Variants in FTCD observed in about 807,000 individuals in gnomAD.
FTCD encodes formimidoyltransferase cyclodeaminase, also known as formimidoyltransferase-cyclodeaminase.
Under a neutral mutation model 62.9 loss-of-function variants are expected in FTCD, and 76 were observed. The ratio of observed to expected loss-of-function variants is 1.21; its 90% CI spans 1.00 to 1.46. The LOEUF is 1.46. Among genes scored for constraint, FTCD ranks in the 40% most tolerant of loss-of-function variants. The pLI, the probability that FTCD is intolerant of heterozygous loss-of-function variation, is 0.00. For missense variants in FTCD, 845 were observed against 751.3 expected (o/e 1.12, Z -1.46); for synonymous variants, 397 against 336.9 (o/e 1.18, Z -1.95).
chr21:46,152,013 G>C, intron 3 of FTCD, 33 bp from the exon 4 acceptor site: 1 of 1,475,122 alleles, frequency 6.8e-7, no homozygotes, highest in Non-Finnish European at 9.3e-7. Flanking sequence ...GGCCTGGACC[G>C]GCAGGGGGTC....
chr21:46,140,531 C>T (rs2078977042), intron 10 of FTCD, among the ~76,000 whole-genome samples: 1 of 144,302 alleles, frequency 6.9e-6, no homozygotes. Context: ...CTTCGCATTG[C>T]TCAGAGGGAG....
chr21:46,146,204 C>CGCAA, intron 8 of FTCD, 62 bp downstream of exon 8: 1 of 1,238,488 alleles, frequency 8.1e-7, no homozygotes, highest in Non-Finnish European at 1.2e-6. Flanking sequence ...CCCAGCGCCC[C>CGCAA]GCAAGGCCCG....
chr21:46,144,737 T>G (rs1441707523), intron 10 of FTCD, among the ~76,000 whole-genome samples: 4 of 104,136 alleles, frequency 3.8e-5, no homozygotes, highest in Non-Finnish European at 7.4e-5. Context: ...CTCCCCTCCC[T>G]CTCTCTCTCT....
intron 7 of FTCD, 41 bp downstream of exon 7, chr21:46,150,078 T>C (rs2079230134): frequency 1.4e-4 from 108 of 772,482 alleles, no homozygotes; most frequent in Middle Eastern, 7.6e-4. Flanking sequence ...CCACCCTCCC[T>C]GCACGCCCCT....
intron 6 of FTCD, 37 bp downstream of exon 6, chr21:46,150,351 C>G (rs752395355): frequency 1.7e-5 from 28 of 1,610,754 alleles, no homozygotes; most frequent in Middle Eastern, 1.6e-4. Flanking sequence ...CAGATCGGCT[C>G]GCCCCTCACA....
At chr21:46,136,556 C>A, downstream of FTCD, 1 of 1,592,286 alleles carries the variant, frequency 6.3e-7, no homozygotes, top group East Asian at 2.3e-5. Context: ...AGCCCAGGGA[C>A]CTGCACTGAA....
chr21:46,138,472 G>C, intron 12 of FTCD, 36 bp downstream of exon 12: 4 of 1,559,102 alleles, frequency 2.6e-6, no homozygotes, highest in Non-Finnish European at 3.5e-6. Context: ...TTCCTGCTTT[G>C]CGGCAGGAGG....
At chr21:46,147,248 G>A (rs928230821) in intron 7 of FTCD, among the ~76,000 whole-genome samples, 1 of 151,628 alleles carries the variant, frequency 6.6e-6, no homozygotes, top group Admixed American at 6.6e-5. Flanking sequence ...GGAAACAGTT[G>A]AGGTACTTCC....
At chr21:46,148,945 A>C (rs767950949) in intron 7 of FTCD, among the ~76,000 whole-genome samples, 1 of 152,224 alleles carries the variant, frequency 6.6e-6, no homozygotes, top group Non-Finnish European at 1.5e-5. Flanking sequence ...TGATAATTAC[A>C]CTGTGGTTAT....
At chr21:46,137,115 T>C (rs370518536) in intron 13 of FTCD, 42 bp from the exon 14 acceptor site, 94 of 1,612,526 alleles carry the variant, frequency 5.8e-5, no homozygotes, top group Middle Eastern at 1.6e-4. Context: ...GTTCCAGTCT[T>C]CAGCCCAGCT....
intron 10 of FTCD, among the ~76,000 whole-genome samples, chr21:46,141,716 TAAAAA>T (rs111415592): frequency 6.9e-6 from 1 of 145,184 alleles, no homozygotes. Flanking sequence ...CCTCCCCTAT[TAAAAA>T]AAAAAAATAC....
intron 7 of FTCD, 141 bp from the exon 8 acceptor site, chr21:46,146,468 C>T (rs2079150330): frequency 3.0e-6 from 2 of 671,732 alleles, no homozygotes; most frequent in Non-Finnish European, 5.4e-6. Flanking sequence ...AGGGCAGGGG[C>T]GTGGCTGGCA....
intron 10 of FTCD, 41 bp from the exon 11 acceptor site, chr21:46,138,964 G>A (rs377459979): frequency 4.8e-5 from 73 of 1,536,784 alleles, no homozygotes; most frequent in Non-Finnish European, 6.1e-5. Flanking sequence ...GGGACCGTAG[G>A]GGGAGCAGCC....
intron 5 of FTCD, among the ~76,000 whole-genome samples, chr21:46,151,007 G>C (rs1273642472): frequency 6.6e-6 from 1 of 152,258 alleles, no homozygotes; most frequent in Non-Finnish European, 1.5e-5. Flanking sequence ...GAGTCTGCAG[G>C]TCGGGAAGCC....
At position 46,151,647 on chromosome 21, in the gene FTCD, T is replaced by C. The variant is rs561027881; in HGVS notation, c.547A>G (p.Ile183Val). 3 of 1,613,084 alleles carry C rather than the reference T, an allele frequency of 1.9e-6. No individual in the cohort carries two copies. Among genetic ancestry groups the C allele is most frequent in the African/African-American group, 2.7e-5 (2 of 75,064 alleles). ...ATATGARKFL[I>V]AFNINLLGTK... ...CCGAGCAGGTTGATGTTAAAAGCAA[T>C]GAGGAACTTCCTCGCCCCCGTGGCC... is the stretch of plus-strand genomic sequence containing the variant. The change falls in exon 5 of 14, where the codon ATT becomes GTT. Residue 183 changes from isoleucine to valine, a missense_variant. Coordinates refer to ENST00000397746, the MANE Select transcript of FTCD (RefSeq NM_206965.2).
intron 3 of FTCD, chr21:46,152,644 A>G: frequency 2.4e-6 from 1 of 414,616 alleles, no homozygotes; most frequent in Non-Finnish European, 4.3e-6. Context: ...ATTCTGCTCT[A>G]GAAGGCGTGG....
intron 10 of FTCD, among the ~76,000 whole-genome samples, chr21:46,140,581 C>T (rs1396131325): frequency 7.4e-6 from 1 of 135,422 alleles, no homozygotes; most frequent in Non-Finnish European, 1.6e-5. Flanking sequence ...CTTCACGTGG[C>T]TCACAGGGAG....
At chr21:46,142,963 T>G (rs749855572) in intron 10 of FTCD, among the ~76,000 whole-genome samples, 2 of 152,162 alleles carry the variant, frequency 1.3e-5, no homozygotes, top group Non-Finnish European at 2.9e-5. Context: ...CAGTGCTGAC[T>G]GGTGTGTTTA....
chr21:46,141,633 T>C (rs979727547), intron 10 of FTCD, among the ~76,000 whole-genome samples: 5 of 151,732 alleles, frequency 3.3e-5, no homozygotes, highest in Non-Finnish European at 5.9e-5. Flanking sequence ...TTAAGAGTCA[T>C]TGTCAGAAGC....
Sources: gnomAD v4.1 joint callset for allele counts (sites outside exome capture counted in the v4.1 genomes callset) on GRCh38, gnomAD v4.1.1 for gene constraint, MANE v1.5 for transcripts, NCBI Gene and HGNC (gene_info 2026-07-23, HGNC 2026-07-21) for gene names.